ANXA8: variants seen among roughly 807,000 people sequenced by gnomAD.
ANXA8 encodes VAC-beta.
In ANXA8, 9 loss-of-function variants were observed where a neutral mutation model predicts 26.8. The ratio of observed to expected loss-of-function variants is 0.34; its 90% CI spans 0.20 to 0.59. ANXA8 has a LOEUF of 0.59. Ranked by LOEUF, ANXA8 falls within the 20% of genes least tolerant of loss-of-function variation. ANXA8 has a pLI of 0.84. For missense variants in ANXA8, 83 were observed against 238.5 expected (o/e 0.35, Z 4.29); for synonymous variants, 39 against 94.8 (o/e 0.41, Z 3.42).
At chr10:47,578,918 A>C in the ANXA8 span, among the ~76,000 whole-genome samples, 1 of 150,028 alleles carries the variant, frequency 6.7e-6, no homozygotes, top group Non-Finnish European at 1.5e-5. Context: ...TTTCATTCTC[A>C]GCTCACTGCA....
chr10:47,552,403 T>TAACG, the ANXA8 span, among the ~76,000 whole-genome samples: 2 of 151,696 alleles, frequency 1.3e-5, no homozygotes, highest in African/African-American at 4.8e-5. Context: ...TCGACTGGAC[T>TAACG]AACGAAGTGG....
the ANXA8 span, among the ~76,000 whole-genome samples, chr10:47,733,284 TTTCTTTC>T: frequency 3.3e-5 from 3 of 90,974 alleles, 1 homozygote; most frequent in Non-Finnish European, 6.7e-5. Flanking sequence ...TCTTTCTTTC[TTTCTTTC>T]TTTCTTTTTT....
At chr10:47,552,110 A>T in the ANXA8 span, among the ~76,000 whole-genome samples, 1 of 151,262 alleles carries the variant, frequency 6.6e-6, no homozygotes, top group East Asian at 1.9e-4. Flanking sequence ...CCCCAATTTC[A>T]TTTCTCTCTG....
chr10:47,957,611 C>T, the ANXA8 span, among the ~76,000 whole-genome samples: 12 of 149,802 alleles, frequency 8.0e-5, no homozygotes, highest in Admixed American at 2.6e-4. Flanking sequence ...CAAATTGCCA[C>T]AAACTTCATG....
the ANXA8 span, among the ~76,000 whole-genome samples, chr10:47,639,528 G>A: frequency 6.6e-6 from 1 of 152,220 alleles, no homozygotes; most frequent in South Asian, 2.1e-4. Flanking sequence ...GTGTTCGCCA[G>A]GATGGTCTCG....
At chr10:47,743,317 T>TATATATATACAC in the ANXA8 span, among the ~76,000 whole-genome samples, 4 of 40,898 alleles carry the variant, frequency 9.8e-5, no homozygotes, top group African/African-American at 1.7e-4. Flanking sequence ...TATATACACA[T>TATATATATACAC]ATATATATAT....
the ANXA8 span, among the ~76,000 whole-genome samples, chr10:47,891,589 A>AAT: frequency 1.1e-4 from 1 of 9,482 alleles, no homozygotes; most frequent in African/African-American, 5.8e-4. Context: ...TCTACAAATA[A>AAT]ATAGAAAAAA....
chr10:47,614,113 C>T, the ANXA8 span, among the ~76,000 whole-genome samples: 2 of 74,516 alleles, frequency 2.7e-5, no homozygotes, highest in Admixed American at 2.8e-4. Flanking sequence ...TACACAGTCT[C>T]CACTTTTACG....
the ANXA8 span, among the ~76,000 whole-genome samples, chr10:47,974,232 A>G: frequency 6.7e-6 from 1 of 149,324 alleles, no homozygotes; most frequent in African/African-American, 2.4e-5. Context: ...TCATCTGCAA[A>G]TGAAGATGAA....
chr10:47,577,563 A>G, the ANXA8 span, among the ~76,000 whole-genome samples: 1 of 113,326 alleles, frequency 8.8e-6, no homozygotes, highest in Non-Finnish European at 1.9e-5. Flanking sequence ...AGTTCCAACT[A>G]CTCATGAGGC....
At chr10:47,701,004 C>T in the ANXA8 span, among the ~76,000 whole-genome samples, 1 of 151,140 alleles carries the variant, frequency 6.6e-6, no homozygotes, top group African/African-American at 2.4e-5. Flanking sequence ...ATTGTTTGAG[C>T]CCAGGAGGTC....
At chr10:47,920,237 C>CTTTT in the ANXA8 span, among the ~76,000 whole-genome samples, 1 of 67,706 alleles carries the variant, frequency 1.5e-5, no homozygotes, top group Non-Finnish European at 2.7e-5. Flanking sequence ...AAATGAGACT[C>CTTTT]TTTTTTTTTT....
At chr10:47,584,901 A>G in the ANXA8 span, among the ~76,000 whole-genome samples, 6 of 142,970 alleles carry the variant, frequency 4.2e-5, no homozygotes, top group East Asian at 1.2e-3. Flanking sequence ...CAGCCTGGCC[A>G]ACATGGCGAA....
chr10:47,575,290 G>C, the ANXA8 span, among the ~76,000 whole-genome samples: 1 of 119,128 alleles, frequency 8.4e-6, no homozygotes, highest in East Asian at 2.2e-4. Flanking sequence ...AAGTAAATCT[G>C]TGGATATTGT....
the ANXA8 span, chr10:47,549,246 T>C: frequency 6.7e-7 from 1 of 1,492,630 alleles, no homozygotes; most frequent in Non-Finnish European, 9.2e-7. Flanking sequence ...ACGGGGTAAA[T>C]AACCTACCAC....
chr10:47,553,038 G>T, the ANXA8 span, among the ~76,000 whole-genome samples: 1 of 152,142 alleles, frequency 6.6e-6, no homozygotes, highest in Non-Finnish European at 1.5e-5. Context: ...AGGAACACTG[G>T]CCGGGAGTTA....
the ANXA8 span, among the ~76,000 whole-genome samples, chr10:47,704,528 C>T: frequency 6.7e-6 from 1 of 148,758 alleles, no homozygotes; most frequent in Admixed American, 6.7e-5. Flanking sequence ...TCTTCAACAC[C>T]ATATTAGAGT....
At chr10:47,958,848 C>T in the ANXA8 span, among the ~76,000 whole-genome samples, 12 of 149,874 alleles carry the variant, frequency 8.0e-5, no homozygotes, top group South Asian at 2.5e-3. Context: ...GACTCACTCA[C>T]TATCATGAGA....
chr10:47,595,799 C>T, the ANXA8 span, among the ~76,000 whole-genome samples: 2 of 148,114 alleles, frequency 1.4e-5, no homozygotes, highest in African/African-American at 5.2e-5. Flanking sequence ...GTAGACAGCC[C>T]CTCAGTAATA....
Sources: allele counts gnomAD v4.1 joint callset (sites outside exome capture counted in the v4.1 genomes callset), GRCh38; gene constraint gnomAD v4.1.1; transcripts MANE v1.5; gene names NCBI Gene and HGNC (gene_info 2026-07-23, HGNC 2026-07-21).